The following GLRA2 variants were observed in gnomAD, a reference collection of about 807,000 sequenced individuals.
The protein encoded by GLRA2 is glycine receptor subunit alpha-2.
Under a neutral mutation model 31.6 loss-of-function variants are expected in GLRA2, and 11 were observed. That is an observed-to-expected ratio of 0.35 (90% CI 0.22 to 0.58). The LOEUF (loss-of-function observed/expected upper bound fraction) is 0.58, where lower values mean the gene tolerates loss of function less well. GLRA2 is among the 20% of genes least tolerant of loss of function. GLRA2 has a pLI of 0.84. For missense variants in GLRA2, 212 were observed against 351.8 expected (o/e 0.60, Z 3.18); for synonymous variants, 132 against 134.0 (o/e 0.99, Z 0.10).
intron 2 of GLRA2, among the ~76,000 whole-genome samples, chrX:14,544,571 A>G (rs1434498852): frequency 9.0e-6 from 1 of 111,703 alleles, no homozygotes; most frequent in African/African-American, 3.2e-5. Context: ...GAAATTATGC[A>G]ATATTTATCT....
At chrX:14,463,318 G>C in the GLRA2 span, among the ~76,000 whole-genome samples, 7 of 111,758 alleles carry the variant, frequency 6.3e-5, no homozygotes, top group Non-Finnish European at 1.1e-4. Context: ...GGACCCACTT[G>C]AGGAGGTAGT....
chrX:14,463,718 C>A, the GLRA2 span, among the ~76,000 whole-genome samples: 1 of 110,279 alleles, frequency 9.1e-6, no homozygotes, highest in Non-Finnish European at 1.9e-5. Flanking sequence ...GTTGTGAAGA[C>A]CATGCGAAAA....
At chrX:14,605,033 C>A (rs2090319423) in intron 5 of GLRA2, among the ~76,000 whole-genome samples, 1 of 111,164 alleles carries the variant, frequency 9.0e-6, no homozygotes, top group Admixed American at 9.6e-5. Context: ...ATGACCTAAC[C>A]CTGATGCCAC....
At chrX:14,687,516 T>C (rs889323307) in intron 7 of GLRA2, among the ~76,000 whole-genome samples, 1 of 111,888 alleles carries the variant, frequency 8.9e-6, no homozygotes, top group African/African-American at 3.3e-5. Flanking sequence ...TTTACTCTTT[T>C]TTCTCTAAGC....
At chrX:14,632,763 C>G (rs1024765946) in intron 7 of GLRA2, among the ~76,000 whole-genome samples, 1 of 111,498 alleles carries the variant, frequency 9.0e-6, no homozygotes, top group African/African-American at 3.3e-5. Flanking sequence ...TCATACTTAA[C>G]GCCATGGATG....
intron 7 of GLRA2, among the ~76,000 whole-genome samples, chrX:14,688,363 T>C (rs2091303307): frequency 8.9e-6 from 1 of 111,746 alleles, no homozygotes; most frequent in African/African-American, 3.3e-5. Context: ...CAGAGGTTTC[T>C]GCTGCCTTTT....
intron 2 of GLRA2, among the ~76,000 whole-genome samples, chrX:14,546,941 C>T (rs1225591941): frequency 9.0e-6 from 1 of 111,679 alleles, no homozygotes; most frequent in Non-Finnish European, 1.9e-5. Context: ...AGCAGGTACC[C>T]TCTCAGTGTC....
rs763095067 is a variant in GLRA2, at chrX:14,726,673, T to C, written c.1081-3534T>C. 3.5e-3 allele frequency among the ~76,000 whole-genome samples: 396 copies of C among 112,575 alleles called. 1 individual carries two copies. The highest frequency in any genetic ancestry group is 6.0e-3 in the Non-Finnish European group (321 of 53,309). On this transcript the variant is annotated intron_variant, in intron 8 of 8. Transcript: ENST00000218075. ...AATATAATGAGATTCTAACCTGACA[T>C]CCTTCTATTCTAGCTCTGTTAATTG...
chrX:14,702,024 G>C (rs1175976604), intron 8 of GLRA2, among the ~76,000 whole-genome samples: 2 of 112,287 alleles, frequency 1.8e-5, no homozygotes, highest in Non-Finnish European at 3.8e-5. Flanking sequence ...GTGCCAGGGA[G>C]TTGAGCCTTT....
intron 8 of GLRA2, among the ~76,000 whole-genome samples, chrX:14,698,016 A>G (rs2091473906): frequency 8.9e-6 from 1 of 111,885 alleles, no homozygotes; most frequent in Admixed American, 9.5e-5. Context: ...AAATTAACTA[A>G]TAACAATGAA....
At chrX:14,682,724 C>T (rs1301959316) in intron 7 of GLRA2, among the ~76,000 whole-genome samples, 4 of 95,737 alleles carry the variant, frequency 4.2e-5, no homozygotes, top group African/African-American at 1.1e-4. Flanking sequence ...CGACAGGCCC[C>T]GGTGTGTGAT....
At chrX:14,587,315 G>A (rs1050921782) in intron 4 of GLRA2, among the ~76,000 whole-genome samples, 19 of 111,976 alleles carry the variant, frequency 1.7e-4, no homozygotes, top group African/African-American at 5.9e-4. Flanking sequence ...ACCCAGGAAT[G>A]GGATTGCTGG....
chrX:14,651,098 G>A lies in GLRA2; in HGVS notation c.931-39612G>A, dbSNP rs764176112. Among the ~76,000 whole-genome samples the A allele has an allele frequency of 9.8e-5, 11 of 111,719 alleles. No homozygotes were observed. In the East Asian group the frequency reaches 2.8e-3, roughly 29 times the overall value. On this transcript the variant is annotated intron_variant, in intron 7 of 8. Transcript: ENST00000218075. ...GTCCAACTATCATAGTGTAGTATTC[G>A]CTGTAGTGTGCCATCTCTGAGATAA...
At chrX:14,465,539 C>T in the GLRA2 span, among the ~76,000 whole-genome samples, 4 of 111,999 alleles carry the variant, frequency 3.6e-5, no homozygotes, top group African/African-American at 1.3e-4. Context: ...TTTCTTAATG[C>T]CTTGGGCAAA....
chrX:14,663,846 C>T (rs2091014597), intron 7 of GLRA2, among the ~76,000 whole-genome samples: 1 of 110,967 alleles, frequency 9.0e-6, no homozygotes, highest in Non-Finnish European at 1.9e-5. Context: ...ACAAAACTGT[C>T]CATTTCATCC....
At chrX:14,725,686 A>G (rs949531798) in intron 8 of GLRA2, among the ~76,000 whole-genome samples, 22 of 112,466 alleles carry the variant, frequency 2.0e-4, no homozygotes, top group African/African-American at 7.1e-4. Flanking sequence ...ATTCACTACA[A>G]TGCAACTCCA....
At chrX:14,458,670 C>A in the GLRA2 span, among the ~76,000 whole-genome samples, 3 of 112,250 alleles carry the variant, frequency 2.7e-5, no homozygotes, top group East Asian at 5.5e-4. Context: ...TAAATGTCTT[C>A]TTTTGAGAAG....
chrX:14,485,638 A>T, the GLRA2 span, among the ~76,000 whole-genome samples: 1 of 111,254 alleles, frequency 9.0e-6, no homozygotes, highest in Non-Finnish European at 1.9e-5. Flanking sequence ...GTTTTCAGCA[A>T]ATATGATCAA....
rs1393105905 is a variant in GLRA2 at position 14,599,283 on chromosome X, T to G, written c.495-5032T>G. On this transcript the variant is annotated intron_variant, in intron 4 of 8. Transcript: ENST00000218075. ...AGGAAGAGGGGCAGCCTCAGCTCAATGCCTTCATGTGCAATGGCCTTAATA... is the reference window on the plus strand; with the variant it reads ...AGGAAGAGGGGCAGCCTCAGCTCAAGGCCTTCATGTGCAATGGCCTTAATA... Among the ~76,000 whole-genome samples the G allele has an allele frequency of 3.6e-5, 4 of 112,356 alleles. No homozygotes were observed. The East Asian group carries it at 1.1e-3, about 32-fold the overall frequency.
Sources: allele counts gnomAD v4.1 joint callset (sites outside exome capture counted in the v4.1 genomes callset), GRCh38; gene constraint gnomAD v4.1.1; transcripts MANE v1.5; gene names NCBI Gene and HGNC (gene_info 2026-07-23, HGNC 2026-07-21).